Variants in DLG2 observed in about 807,000 individuals in gnomAD.
DLG2 encodes discs large MAGUK scaffold protein 2, also known as disks large homolog 2.
DLG2 carries 45 observed loss-of-function variants against 132.5 expected under a neutral mutation model. That is an observed-to-expected ratio of 0.34 (90% CI 0.27 to 0.44). The LOEUF (loss-of-function observed/expected upper bound fraction) is 0.44, where lower values mean the gene tolerates loss of function less well. Ranked by LOEUF, DLG2 falls within the 20% of genes least tolerant of loss-of-function variation. The pLI, the probability that DLG2 is intolerant of heterozygous loss-of-function variation, is 1.00. For missense variants in DLG2, 1,045 were observed against 1,196.9 expected (o/e 0.87, Z 1.87); for synonymous variants, 424 against 419.6 (o/e 1.01, Z -0.13).
At chr11:84,305,992 C>T (rs998878601) in intron 7 of DLG2, among the ~76,000 whole-genome samples, 3 of 152,054 alleles carry the variant, frequency 2.0e-5, no homozygotes, top group Middle Eastern at 3.4e-3. Flanking sequence ...TTGGTGAGAT[C>T]CCTGTATTTT....
At chr11:85,154,122 CTCT>C (rs1330193332) in intron 5 of DLG2, among the ~76,000 whole-genome samples, 1 of 134,676 alleles carries the variant, frequency 7.4e-6, no homozygotes, top group African/African-American at 2.7e-5. Context: ...CACCCTCCCT[CTCT>C]TCTTTTGGAG....
At chr11:85,524,466 G>A (rs1049843558) in intron 3 of DLG2, among the ~76,000 whole-genome samples, 2 of 151,824 alleles carry the variant, frequency 1.3e-5, no homozygotes, top group Non-Finnish European at 2.9e-5. Context: ...GAGTTAAGGA[G>A]CTAGGCTCAA....
intron 7 of DLG2, among the ~76,000 whole-genome samples, chr11:84,371,779 T>A (rs1346895191): frequency 1.3e-5 from 2 of 152,182 alleles, no homozygotes; most frequent in African/African-American, 4.8e-5. Context: ...TTAGAAAACT[T>A]TTGTAAACGT....
At chr11:84,465,669 A>G (rs2099092359) in intron 7 of DLG2, among the ~76,000 whole-genome samples, 1 of 151,322 alleles carries the variant, frequency 6.6e-6, no homozygotes, top group African/African-American at 2.4e-5. Flanking sequence ...CACTTTTAAC[A>G]AAATAATCAT....
chr11:85,055,338 G>A (rs1400722619), intron 6 of DLG2, among the ~76,000 whole-genome samples: 1 of 152,098 alleles, frequency 6.6e-6, no homozygotes, highest in Non-Finnish European at 1.5e-5. Context: ...CAACTCAAAA[G>A]GATGGATTAT....
chr11:85,258,241 A>T (rs907977997), intron 4 of DLG2, among the ~76,000 whole-genome samples: 1 of 152,178 alleles, frequency 6.6e-6, no homozygotes, highest in African/African-American at 2.4e-5. Flanking sequence ...TGACTGGCTT[A>T]TTCAATATAG....
intron 6 of DLG2, among the ~76,000 whole-genome samples, chr11:84,704,943 T>C (rs1225815426): frequency 6.7e-6 from 1 of 149,116 alleles, no homozygotes; most frequent in Non-Finnish European, 1.5e-5. Context: ...ATATTATATA[T>C]ATATTTTAAA....
intron 6 of DLG2, among the ~76,000 whole-genome samples, chr11:85,108,485 A>G (rs1253638080): frequency 1.3e-5 from 2 of 152,076 alleles, no homozygotes; most frequent in African/African-American, 4.8e-5. Flanking sequence ...TTAATACCAG[A>G]ATTTCATACA....
chr11:85,353,851 A>AG (rs2083480470), intron 3 of DLG2, among the ~76,000 whole-genome samples: 1 of 151,866 alleles, frequency 6.6e-6, no homozygotes, highest in African/African-American at 2.4e-5. Context: ...GGTGGGAGGA[A>AG]GGGGGAGGGA....
At chr11:85,127,655 A>G (rs2075289052) in intron 5 of DLG2, among the ~76,000 whole-genome samples, 1 of 152,162 alleles carries the variant, frequency 6.6e-6, no homozygotes, top group Admixed American at 6.5e-5. Flanking sequence ...TGATGCTTCT[A>G]CCATGGGAGC....
chr11:84,870,486 T>C (rs1299065843), intron 6 of DLG2, among the ~76,000 whole-genome samples: 1 of 152,214 alleles, frequency 6.6e-6, no homozygotes, highest in East Asian at 1.9e-4. Flanking sequence ...AATAGGATTA[T>C]GAGAGAATGA....
chr11:83,775,412 C>T (rs1011494292), intron 18 of DLG2, among the ~76,000 whole-genome samples: 1 of 152,122 alleles, frequency 6.6e-6, no homozygotes, highest in Non-Finnish European at 1.5e-5. Context: ...AGTTTTTAAC[C>T]TCGGGAAAAC....
In DLG2 at chr11:84,579,070, C is replaced by A. The variant is rs190091615; in HGVS notation, c.358-44339G>T. ...GTGCCTTTTGCCTCCCGCCATGATT[C>A]TGAGGCCTCCTCAGCCATGTGGAAC... On this transcript the variant is annotated intron_variant, in intron 6 of 27. Transcript: ENST00000376104. 1.4e-4 allele frequency among the ~76,000 whole-genome samples: 21 copies of A among 152,294 alleles called. No individual in the cohort carries two copies. The South Asian group carries it at 2.1e-3, about 15-fold the overall frequency.
At chr11:83,877,380 T>C (rs1419447404) in intron 15 of DLG2, among the ~76,000 whole-genome samples, 2 of 152,126 alleles carry the variant, frequency 1.3e-5, no homozygotes, top group Admixed American at 6.6e-5. Flanking sequence ...TACCAACAGT[T>C]CTTAGGCAGC....
At chr11:83,865,320 T>C (rs1378730683) in intron 16 of DLG2, among the ~76,000 whole-genome samples, 2 of 151,978 alleles carry the variant, frequency 1.3e-5, no homozygotes, top group African/African-American at 4.8e-5. Flanking sequence ...GTCATATCTG[T>C]AGACAGGATA....
intron 21 of DLG2, among the ~76,000 whole-genome samples, chr11:83,527,734 C>T (rs137940747): frequency 1.9e-3 from 291 of 152,200 alleles, no homozygotes; most frequent in African/African-American, 6.0e-3. Flanking sequence ...ACACATTGCA[C>T]GTTGCTGACA....
At chr11:83,899,123 T>C (rs971779259) in intron 15 of DLG2, among the ~76,000 whole-genome samples, 6 of 151,058 alleles carry the variant, frequency 4.0e-5, no homozygotes, top group African/African-American at 1.5e-4. Context: ...AAGGTAATCA[T>C]CTTTGAATAC....
At chr11:85,483,507 T>C (rs543777545) in intron 3 of DLG2, among the ~76,000 whole-genome samples, 95 of 152,200 alleles carry the variant, frequency 6.2e-4, no homozygotes, top group Non-Finnish European at 1.1e-3. Context: ...AAAAGGATGC[T>C]AATTAATAAG....
chr11:84,460,691 A>T (rs1453750973), intron 7 of DLG2, among the ~76,000 whole-genome samples: 21 of 150,796 alleles, frequency 1.4e-4, no homozygotes, highest in Admixed American at 1.4e-3. Flanking sequence ...TGTGTGTGGT[A>T]ATTTTATTTA....
Sources: gnomAD v4.1 joint callset for allele counts (sites outside exome capture counted in the v4.1 genomes callset) on GRCh38, gnomAD v4.1.1 for gene constraint, MANE v1.5 for transcripts, NCBI Gene and HGNC (gene_info 2026-07-23, HGNC 2026-07-21) for gene names.